The following GSK3A variants were observed in gnomAD, a reference collection of about 807,000 sequenced individuals.
GSK3A encodes the protein glycogen synthase kinase-3 alpha.
In GSK3A, 14 loss-of-function variants were observed where a neutral mutation model predicts 56.6. That is an observed-to-expected ratio of 0.25 (90% CI 0.16 to 0.39). GSK3A has a LOEUF of 0.39. Among genes scored for constraint, GSK3A ranks in the 10% least tolerant of loss-of-function variants. GSK3A has a pLI of 1.00. For synonymous variants in GSK3A, 301 were observed against 285.0 expected (o/e 1.06, Z -0.56); for missense variants, 450 against 656.0 (o/e 0.69, Z 3.43).
At chr19:42,232,458 C>T (rs1277442640) in intron 9 of GSK3A, 38 bp downstream of exon 9, 3 of 1,594,956 alleles carry the variant, frequency 1.9e-6, no homozygotes, top group Non-Finnish European at 2.6e-6. Flanking sequence ...TGCCCCCCTA[C>T]CCCGCCCCAC....
In GSK3A at chr19:42,232,089, G is replaced by A. The variant is rs756325459; in HGVS notation, c.1346C>T (p.Ala449Val). The A allele has an allele frequency of 5.6e-6, 9 of 1,608,816 alleles. No individual in the cohort carries two copies. The highest frequency in any genetic ancestry group is 1.7e-5 in the Admixed American group (1 of 59,592). The change falls in exon 10 of 11, where the codon GCG (alanine) becomes GTG (valine). Residue 449 changes from alanine to valine, a missense_variant. This residue lies in a region of GSK3A where 113 missense variants were observed against 147.5 expected (regional missense o/e 0.77). Coordinates refer to ENST00000222330, the MANE Select transcript of GSK3A (RefSeq NM_019884.3). ...ILIPPHLRSP[A>V]GTTTLTPSSQ... is the part of the protein sequence containing the mutation. ...GGACGGGGTGAGGGTGGTAGTGCCC[G>A]CTGGGGACCTCAAGTGAGGAGGGAT...
chr19:42,236,546 G>C lies in GSK3A; in HGVS notation c.666+60C>G. On this transcript the variant is annotated intron_variant, in intron 4 of 10. Transcript: ENST00000222330. ...GGATGAGGGATCCCATAAAAGGCAGGAGGCTCCAGAGCCCCTGGCTTTGTG... is the reference window on the plus strand; with the variant it reads ...GGATGAGGGATCCCATAAAAGGCAGCAGGCTCCAGAGCCCCTGGCTTTGTG... 4.0e-6 allele frequency: 4 copies of C among 998,268 alleles called. No homozygotes were observed. In the South Asian group the frequency reaches 5.1e-5, roughly 13 times the overall value. The allele number at this position is 998,268 out of a possible 1,614,324, so 61.8% of individuals were successfully genotyped here. A position where few individuals can be genotyped will look rare whatever the true frequency, so the allele number is the denominator to read the frequency against.
chr19:42,232,770 A>G, intron 8 of GSK3A, 88 bp from the exon 9 acceptor site: 1 of 1,128,618 alleles, frequency 8.9e-7, no homozygotes, highest in African/African-American at 1.6e-5. Flanking sequence ...GCCTGCGGCA[A>G]GTTATGACTG....
intron 6 of GSK3A, among the ~76,000 whole-genome samples, 175 bp from the exon 7 acceptor site, chr19:42,233,558 T>A (rs2036238463): frequency 1.3e-5 from 2 of 152,160 alleles, no homozygotes; most frequent in Non-Finnish European, 2.9e-5. Context: ...TGACCCTGCC[T>A]TTGCTGTACT....
chr19:42,230,529 A>AGGGGG lies in GSK3A; in HGVS notation c.*260_*264dup. On this transcript the variant is annotated 3_prime_UTR_variant, in exon 11 of 11. Coordinates refer to ENST00000222330, the MANE Select transcript of GSK3A (RefSeq NM_019884.3). Reference sequence around the variant, plus strand: ...AGGAGGTGGAGGTCTGGGGGAGGGGAGGGGGCCAAGGGGGTAGGAGGTCCT... The same window carrying AGGGGG: ...AGGAGGTGGAGGTCTGGGGGAGGGGAGGGGGGGGGGCCAAGGGGGTAGGAGGTCCT... 1 of 358,458 alleles carries AGGGGG rather than the reference A, an allele frequency of 2.8e-6. No homozygotes were observed. The highest frequency in any genetic ancestry group is 6.3e-5 in the Admixed American group (1 of 15,958). The allele number at this position is 358,458 out of a possible 1,614,324, so 22.2% of individuals were successfully genotyped here. A position where few individuals can be genotyped will look rare whatever the true frequency, so the allele number is the denominator to read the frequency against.
At chr19:42,233,904 T>A (rs1255715566) in intron 6 of GSK3A, among the ~76,000 whole-genome samples, 3 of 152,140 alleles carry the variant, frequency 2.0e-5, no homozygotes, top group African/African-American at 7.2e-5. Context: ...CTCATGCCCA[T>A]TCCCTCAATT....
Position 42,242,394 on chromosome 19 carries a change from C to A in GSK3A, c.72G>T (p.Glu24Asp). The change falls in exon 1 of 11, where the codon GAG becomes GAT. Residue 24 changes from glutamate (E) to aspartate (D), a missense_variant. Transcript: ENST00000222330. ...CGCCTCCTCCGCCTCCGCCGCCGGG[C>A]TCCGCGAACGAGCTAGTCCGCGCCC... ...SGRARTSSFA[E>D]PGGGGGGGGG... 1 of 1,387,736 alleles carries A rather than the reference C, an allele frequency of 7.2e-7. No homozygotes were observed. The highest frequency in any genetic ancestry group is 1.5e-5 in the South Asian group (1 of 65,134). The allele number at this position is 1,387,736 out of a possible 1,614,324, so 86.0% of individuals were successfully genotyped here.
chr19:42,230,561 C>G lies in GSK3A; in HGVS notation c.*233G>C. 1 of 573,936 alleles carries G rather than the reference C, an allele frequency of 1.7e-6. No homozygotes were observed. Among genetic ancestry groups the G allele is most frequent in the Non-Finnish European group, 3.1e-6 (1 of 319,880 alleles). The allele number at this position is 573,936 out of a possible 1,614,324, so 35.6% of individuals were successfully genotyped here. A position where few individuals can be genotyped will look rare whatever the true frequency, so the allele number is the denominator to read the frequency against. ...CAAGGGGGTAGGAGGTCCTCATCCC[C>G]CCAACACCCTGTCCTTCTCTTCCCT... On this transcript the variant is annotated 3_prime_UTR_variant, in exon 11 of 11. Coordinates refer to ENST00000222330, the MANE Select transcript of GSK3A (RefSeq NM_019884.3).
Position 42,232,077 on chromosome 19 carries a change from G to A in GSK3A, c.1358C>T (p.Thr453Ile). The A allele has an allele frequency of 6.2e-7, 1 of 1,606,050 alleles. No individual in the cohort carries two copies. The highest frequency in any genetic ancestry group is 1.7e-5 in the Admixed American group (1 of 59,778). Residue 453 changes from threonine to isoleucine, a missense_variant, in exon 10 of 11, where the codon ACC (threonine) becomes ATC (isoleucine). Coordinates refer to ENST00000222330, the MANE Select transcript of GSK3A (RefSeq NM_019884.3). ...PHLRSPAGTT[T>I]LTPSSQALTE... is the part of the protein sequence containing the mutation. Reference sequence around the variant, plus strand: ...CTTACCTTGTGAGGACGGGGTGAGGGTGGTAGTGCCCGCTGGGGACCTCAA... The same window carrying A: ...CTTACCTTGTGAGGACGGGGTGAGGATGGTAGTGCCCGCTGGGGACCTCAA...
At chr19:42,237,489 C>T (rs1599812246) in intron 2 of GSK3A, among the ~76,000 whole-genome samples, 2 of 151,896 alleles carry the variant, frequency 1.3e-5, no homozygotes, top group Middle Eastern at 6.8e-3. Flanking sequence ...CGCCCAGCCA[C>T]CCCACTTAAA....
chr19:42,230,842 T>G lies in GSK3A; in HGVS notation c.1404A>C (p.Ser468=), dbSNP rs561801000. ...GTGTGGCATCGGTCGACTGCCAGTC[T>G]GAGCTGGTCGGAGTCTCAGTTAAAG... ...SQALTETPTS[S]DWQSTDATPT... is the part of the protein sequence containing the mutation. The change falls in exon 11 of 11, where the codon TCA becomes TCC. Residue 468 remains serine (S), a synonymous_variant. Transcript: ENST00000222330. 6 of 1,562,286 alleles carry G rather than the reference T, an allele frequency of 3.8e-6. No individual in the cohort carries two copies. In the South Asian group the frequency reaches 5.9e-5, roughly 15 times the overall value.
chr19:42,242,132 G>A (rs1054814172), intron 1 of GSK3A, 51 bp downstream of exon 1: 10 of 1,285,676 alleles, frequency 7.8e-6, no homozygotes, highest in Non-Finnish European at 9.9e-6. Context: ...GATGTCTGAG[G>A]AGCTTTGGGA....
chr19:42,231,336 G>A (rs2036222518), intron 10 of GSK3A, among the ~76,000 whole-genome samples: 1 of 152,134 alleles, frequency 6.6e-6, no homozygotes, highest in Non-Finnish European at 1.5e-5. Context: ...CTCCAGCCTG[G>A]GTGACAGAAA....
In GSK3A at chr19:42,233,389, G is replaced by A. The variant is rs1303996388; in HGVS notation, c.905-6C>T. 6.4e-7 allele frequency: 1 copy of A among 1,554,650 alleles called. No individual in the cohort carries two copies. The highest frequency in any genetic ancestry group is 1.2e-5 in the South Asian group (1 of 85,142). On this transcript the variant is annotated splice_region_variant and splice_polypyrimidine_tract_variant and intron_variant, in intron 6 of 10. Coordinates refer to ENST00000222330, the MANE Select transcript of GSK3A (RefSeq NM_019884.3). ...ACAGCCAGCTGACCAAACATCTGAG[G>A]GGAAATGGAGGGAGCGTCAGGGCTA...
In GSK3A at chr19:42,230,450, A is replaced by G; in HGVS notation, c.*344T>C. 1 of 315,852 alleles carries G rather than the reference A, an allele frequency of 3.2e-6. No individual in the cohort carries two copies. The highest frequency in any genetic ancestry group is 5.8e-6 in the Non-Finnish European group (1 of 172,168). 19.6% of individuals were successfully genotyped at this position (315,852 alleles called of 1,614,324 possible). On this transcript the variant is annotated 3_prime_UTR_variant, in exon 11 of 11. Coordinates refer to ENST00000222330, the MANE Select transcript of GSK3A (RefSeq NM_019884.3). The stretch of plus-strand genomic sequence containing the variant: ...CCCGGGGGCCAGGGAAGGGAAGAGG[A>G]GACGGGCTGGGCTGGTTCTATTTAC...
intron 1 of GSK3A, 47 bp from the exon 2 acceptor site, chr19:42,240,189 G>A (rs912901817): frequency 9.1e-6 from 14 of 1,534,588 alleles, no homozygotes; most frequent in African/African-American, 1.4e-5. Context: ...TCCTGCCTGC[G>A]CATCACCCTA....
In GSK3A at chr19:42,236,590, C is replaced by G. The variant is rs951979148; in HGVS notation, c.666+16G>C. 7 of 1,506,648 alleles carry G rather than the reference C, an allele frequency of 4.6e-6. No individual in the cohort carries two copies. The highest frequency in any genetic ancestry group is 2.7e-5 in the African/African-American group (2 of 72,850). 93.3% of individuals were successfully genotyped at this position (1,506,648 alleles called of 1,614,324 possible). A position where few individuals can be genotyped will look rare whatever the true frequency, so the allele number is the denominator to read the frequency against. On this transcript the variant is annotated intron_variant, in intron 4 of 10. Transcript: ENST00000222330. ...CTTTGTGGGCCTGGGTCCCAGCAGC[C>G]CACCTGCTGGCCTACCTTGACATAG...
chr19:42,241,880 A>T (rs760381632), intron 1 of GSK3A: 70 of 294,200 alleles, frequency 2.4e-4, no homozygotes, highest in Non-Finnish European at 1.7e-4. Context: ...CAATATTATA[A>T]TGAATAGCAA....
chr19:42,231,476 C>T (rs143355037), intron 10 of GSK3A, among the ~76,000 whole-genome samples: 2 of 151,900 alleles, frequency 1.3e-5, no homozygotes, highest in Admixed American at 1.3e-4. Flanking sequence ...ATAAAATAGC[C>T]CCATTTTTAA....
Sources: allele counts gnomAD v4.1 joint callset (sites outside exome capture counted in the v4.1 genomes callset), GRCh38; gene constraint gnomAD v4.1.1; regional missense constraint gnomAD v4.1.1; transcripts MANE v1.5; gene names NCBI Gene and HGNC (gene_info 2026-07-23, HGNC 2026-07-21).